The following NSD3 variants were observed in gnomAD, a reference collection of about 807,000 sequenced individuals.
NSD3 encodes nuclear receptor binding SET domain protein 3.
A neutral mutation model predicts 160.8 loss-of-function variants in NSD3; 24 were observed. The observed-to-expected ratio is 0.15, with a 90% CI of 0.11 to 0.21. The LOEUF is 0.21. Among genes scored for constraint, NSD3 ranks in the 10% least tolerant of loss-of-function variants. The pLI is 1.00. For missense variants in NSD3, 1,157 were observed against 1,735.9 expected (o/e 0.67, Z 5.93); for synonymous variants, 520 against 600.0 (o/e 0.87, Z 1.95).
At position 38,275,786 on chromosome 8, in the gene NSD3, T is replaced by C; in HGVS notation, c.4169A>G (p.Glu1390Gly). 6.2e-7 allele frequency: 1 copy of C among 1,614,168 alleles called. No homozygotes were observed. The highest frequency in any genetic ancestry group is 8.5e-7 in the Non-Finnish European group (1 of 1,180,032). ...FCPHSFCKDH[E>G]KGALVPSALE... The stretch of plus-strand genomic sequence containing the variant: ...TGCAGAGGGAACCAGGGCCCCCTTT[T>C]CATGATCTTTACAAAATGAATGTGG... Residue 1390 changes from glutamate (E) to glycine (G), a missense_variant, in exon 24 of 24, where the codon GAA becomes GGA. This residue lies in a region of NSD3 where 222 missense variants were observed against 409.9 expected (regional missense o/e 0.54). Coordinates refer to ENST00000317025, the MANE Select transcript of NSD3 (RefSeq NM_023034.2).
chr8:38,300,147 T>C (rs1489278813), intron 14 of NSD3, among the ~76,000 whole-genome samples: 2 of 150,716 alleles, frequency 1.3e-5, no homozygotes, highest in Non-Finnish European at 3.0e-5. Context: ...TGGTACATGT[T>C]TTATTTCATT....
In NSD3 at chr8:38,315,968, T is replaced by C. The variant is rs765609001; in HGVS notation, c.1930A>G (p.Ser644Gly). 5.6e-6 allele frequency: 9 copies of C among 1,613,628 alleles called. No homozygotes were observed. Among genetic ancestry groups the C allele is most frequent in the East Asian group, 2.2e-5 (1 of 44,876 alleles). ...TCAGATGTGTCTCTGTATGCTGAACTAGTCATTTCTACATCAGTTGAGGCG... is the reference window on the plus strand; with the variant it reads ...TCAGATGTGTCTCTGTATGCTGAACCAGTCATTTCTACATCAGTTGAGGCG... Reference protein sequence around the residue: ...SRASTDVEMTSSAYRDTSDSD... With the variant: ...SRASTDVEMTGSAYRDTSDSD... Residue 644 changes from serine to glycine, a missense_variant, in exon 10 of 24, where the codon AGT (serine) becomes GGT (glycine). Ser to Gly is a moderately conservative substitution (Grantham distance 56, BLOSUM62 0). Coordinates refer to ENST00000317025, the MANE Select transcript of NSD3 (RefSeq NM_023034.2).
At position 38,319,104 on chromosome 8, in the gene NSD3, C is replaced by T. The variant is rs1052638663; in HGVS notation, c.1810-164G>A. On this transcript the variant is annotated intron_variant, in intron 8 of 23. Transcript: ENST00000317025. The surrounding 1 kb of genome is among the most constrained non-coding windows in gnomAD (Gnocchi z 4.1). ...TGGGTAAAGTTCTCTGTCTCAAGAT[C>T]AGGGAGGGTTTAAATCCTAGCTGCC... 1.6e-6 allele frequency: 1 copy of T among 640,488 alleles called. No homozygotes were observed. Among genetic ancestry groups the T allele is most frequent in the South Asian group, 2.1e-5 (1 of 47,960 alleles). The allele number at this position is 640,488 out of a possible 1,614,324, so 39.7% of individuals were successfully genotyped here.
At chr8:38,290,002 AC>A (rs1184657070) in intron 17 of NSD3, among the ~76,000 whole-genome samples, 2 of 151,924 alleles carry the variant, frequency 1.3e-5, no homozygotes, top group African/African-American at 4.8e-5. Context: ...GATCGCTTGA[AC>A]CCAGGAGTTC....
intron 19 of NSD3, among the ~76,000 whole-genome samples, chr8:38,287,266 GTTAT>G (rs1164362812): frequency 6.6e-6 from 1 of 152,002 alleles, no homozygotes; most frequent in African/African-American, 2.4e-5. Flanking sequence ...GGGGAAATAG[GTTAT>G]TTATTTACTT....
rs557845463 is a variant in NSD3 at position 38,317,850 on chromosome 8, G to A, written c.1855+1045C>T. 5.2e-6 allele frequency: 8 copies of A among 1,538,506 alleles called. No individual in the cohort carries two copies. The East Asian group carries it at 6.9e-5, about 13-fold the overall frequency. On this transcript the variant is annotated intron_variant, in intron 9 of 23. Coordinates refer to ENST00000317025, the MANE Select transcript of NSD3 (RefSeq NM_023034.2). The surrounding 1 kb of genome is among the most constrained non-coding windows in gnomAD (Gnocchi z 5.3). ...GAAAATGCCAATAATGATGATTGGC[G>A]AAATCAAAATCGAAAACAAAGAAAC...
At chr8:38,370,057 G>A (rs1486399613) in intron 1 of NSD3, among the ~76,000 whole-genome samples, 1 of 152,110 alleles carries the variant, frequency 6.6e-6, no homozygotes, top group Non-Finnish European at 1.5e-5. Context: ...GCCTCCCAAA[G>A]TGCTGGGATT....
chr8:38,379,294 CTT>C (rs570499053), intron 1 of NSD3, among the ~76,000 whole-genome samples: 18 of 137,468 alleles, frequency 1.3e-4, no homozygotes, highest in Non-Finnish European at 9.6e-5. Context: ...TAAACTTTTT[CTT>C]TTTTTTTTTT....
At chr8:38,293,909 TGAGACTCC>T (rs1177838951) in intron 16 of NSD3, among the ~76,000 whole-genome samples, 1 of 101,120 alleles carries the variant, frequency 9.9e-6, no homozygotes, top group African/African-American at 4.1e-5. Flanking sequence ...GGTGACAGAG[TGAGACTCC>T]GTCTCAAAAA....
At chr8:38,363,415 G>A (rs1333818593) in intron 1 of NSD3, among the ~76,000 whole-genome samples, 4 of 152,050 alleles carry the variant, frequency 2.6e-5, no homozygotes, top group Non-Finnish European at 5.9e-5. Flanking sequence ...AGGCAGAGGC[G>A]GGGGCTCACT....
chr8:38,346,160 A>T (rs989422882), intron 2 of NSD3, among the ~76,000 whole-genome samples: 2 of 150,690 alleles, frequency 1.3e-5, no homozygotes, highest in Admixed American at 1.3e-4. Context: ...ATATGTATGC[A>T]TATGTATGTA....
intron 1 of NSD3, among the ~76,000 whole-genome samples, chr8:38,356,504 G>A (rs768283726): frequency 6.6e-6 from 1 of 151,834 alleles, no homozygotes; most frequent in Non-Finnish European, 1.5e-5. Context: ...CCTGTTTGAG[G>A]CCAGGCATTC....
chr8:38,280,565 A>G (rs1808708525), intron 20 of NSD3, among the ~76,000 whole-genome samples: 1 of 152,210 alleles, frequency 6.6e-6, no homozygotes, highest in South Asian at 2.1e-4. Flanking sequence ...GGTTCTTAAA[A>G]GTGTAACAAA....
intron 14 of NSD3, among the ~76,000 whole-genome samples, chr8:38,300,173 A>T (rs1351009211): frequency 6.6e-5 from 10 of 151,272 alleles, no homozygotes; most frequent in Non-Finnish European, 1.2e-4. Flanking sequence ...TTATATATAT[A>T]TTTTTTGAGA....
chr8:38,324,561 A>G lies in NSD3; in HGVS notation c.1708+2169T>C, dbSNP rs186997157. Among the ~76,000 whole-genome samples, 195 of 152,284 alleles carry G rather than the reference A, an allele frequency of 1.3e-3. 1 individual carries two copies. The highest frequency in any genetic ancestry group is 4.3e-3 in the African/African-American group (180 of 41,560). ...CTTAAGACTTTGATCCATCCAGAAA[A>G]TTACTTGGTCACTGTGATATTGTGA... On this transcript the variant is annotated intron_variant, in intron 7 of 23. Coordinates refer to ENST00000317025, the MANE Select transcript of NSD3 (RefSeq NM_023034.2).
In NSD3 at chr8:38,321,092, T is replaced by A; in HGVS notation, c.1789A>T (p.Lys597Ter). 6.2e-7 allele frequency: 1 copy of A among 1,613,548 alleles called. No individual in the cohort carries two copies. Among genetic ancestry groups the A allele is most frequent in the Non-Finnish European group, 8.5e-7 (1 of 1,179,894 alleles). ...SEKSTEVVPK[K>*]KIKKEQVETV... is the part of the protein sequence containing the mutation. ...CCAACCTGCTCCTTTTTGATCTTCTTCTTTGGCACAACCTCAGTGGATTTC... is the reference window on the plus strand; with the variant it reads ...CCAACCTGCTCCTTTTTGATCTTCTACTTTGGCACAACCTCAGTGGATTTC... Residue 597 changes from lysine to a stop codon, truncating the protein, a stop_gained, in exon 8 of 24, where the codon AAG (lysine) becomes TAG (stop). Coordinates refer to ENST00000317025, the MANE Select transcript of NSD3 (RefSeq NM_023034.2). LOFTEE classifies it high-confidence loss of function. The surrounding 1 kb of genome is among the most constrained non-coding windows in gnomAD (Gnocchi z 4.7).
In NSD3 at chr8:38,321,320, G is replaced by A. The variant is rs1809792272; in HGVS notation, c.1709-148C>T. On this transcript the variant is annotated intron_variant, in intron 7 of 23. Transcript: ENST00000317025. This position sits in a 1 kb window ranked among gnomAD's most constrained non-coding sequence, Gnocchi z 4.7. Reference sequence around the variant, plus strand: ...TCATTAAAAAATGCTAAACATTCAGGAGCATATAAATTATTTAACAGATCA... The same window carrying A: ...TCATTAAAAAATGCTAAACATTCAGAAGCATATAAATTATTTAACAGATCA... 3 of 615,442 alleles carry A rather than the reference G, an allele frequency of 4.9e-6. No homozygotes were observed. Among genetic ancestry groups the A allele is most frequent in the Middle Eastern group, 5.4e-4 (2 of 3,720 alleles). 38.1% of individuals were successfully genotyped at this position (615,442 alleles called of 1,614,324 possible).
chr8:38,334,876 T>C lies in NSD3; in HGVS notation c.910+2429A>G, dbSNP rs1585896541. 2.6e-5 allele frequency among the ~76,000 whole-genome samples: 4 copies of C among 152,052 alleles called. 1 individual carries two copies. In the South Asian group the frequency reaches 8.3e-4, roughly 31 times the overall value. On this transcript the variant is annotated intron_variant, in intron 4 of 23. Coordinates refer to ENST00000317025, the MANE Select transcript of NSD3 (RefSeq NM_023034.2). ...TTTTATTAAAATATATAGGTTAAAA[T>C]ATATGCATTTCTTAACCTAAAATTT...
intron 14 of NSD3, among the ~76,000 whole-genome samples, chr8:38,301,086 C>T (rs1809264691): frequency 6.6e-6 from 1 of 152,164 alleles, no homozygotes. Context: ...CCTACCACCT[C>T]AACCTCCCGA....
Sources: gnomAD v4.1 joint callset for allele counts (sites outside exome capture counted in the v4.1 genomes callset) on GRCh38, gnomAD v4.1.1 for gene constraint, gnomAD v4.1.1 regional missense constraint, Gnocchi (gnomAD v3.1) non-coding constraint, MANE v1.5 for transcripts, NCBI Gene and HGNC (gene_info 2026-07-23, HGNC 2026-07-21) for gene names.